The following ADGRB3 variants were observed in gnomAD, a reference collection of about 807,000 sequenced individuals.
The protein encoded by ADGRB3 is brain-specific angiogenesis inhibitor 3.
In ADGRB3, 37 loss-of-function variants were observed where a neutral mutation model predicts 193.4. That is an observed-to-expected ratio of 0.19 (90% CI 0.15 to 0.25). The LOEUF is 0.25. Among genes scored for constraint, ADGRB3 ranks in the 10% least tolerant of loss-of-function variants. The pLI is 1.00. For missense variants in ADGRB3, 1,637 were observed against 1,852.9 expected, an observed-to-expected ratio of 0.88 and a Z score of 2.14; for synonymous variants, 690 against 644.2, an observed-to-expected ratio of 1.07 and a Z score of -1.08.
chr6:69,049,403 A>G (rs1771329445), intron 15 of ADGRB3, 57 bp downstream of exon 15: 4 of 1,262,030 alleles, frequency 3.2e-6, no homozygotes, highest in African/African-American at 3.0e-5. Context: ...AAATGTGATT[A>G]TAGCTCATTC....
At chr6:68,922,878 A>C (rs968547317) in intron 3 of ADGRB3, among the ~76,000 whole-genome samples, 5 of 150,952 alleles carry the variant, frequency 3.3e-5, no homozygotes, top group Non-Finnish European at 7.4e-5. Flanking sequence ...ATAGAATACC[A>C]CTTGTCCCTT....
chr6:69,235,100 G>C lies in ADGRB3; in HGVS notation c.2676G>C (p.Leu892Phe), dbSNP rs1390624035. 6.2e-7 allele frequency: 1 copy of C among 1,612,570 alleles called. No homozygotes were observed. The highest frequency in any genetic ancestry group is 8.5e-7 in the Non-Finnish European group (1 of 1,178,752). The change falls in exon 19 of 32, where the codon TTG becomes TTC. Residue 892 changes from leucine (L) to phenylalanine (F), a missense_variant. By Grantham distance (22) the Leu-to-Phe change is conservative. Transcript: ENST00000370598. ...IVGSGLSCLA[L>F]ITLAVVYAAL... is the part of the protein sequence containing the mutation. Reference sequence around the variant, plus strand: ...GCAGTGGTCTTTCTTGCTTGGCCTTGATTACCCTAGCAGTTGTCTATGCAG... The same window carrying C: ...GCAGTGGTCTTTCTTGCTTGGCCTTCATTACCCTAGCAGTTGTCTATGCAG...
intron 3 of ADGRB3, among the ~76,000 whole-genome samples, chr6:68,870,241 G>A (rs1423972679): frequency 6.6e-6 from 1 of 152,172 alleles, no homozygotes; most frequent in Non-Finnish European, 1.5e-5. Context: ...ATGAGTAATA[G>A]GGCAATGACT....
intron 17 of ADGRB3, among the ~76,000 whole-genome samples, chr6:69,138,825 A>G (rs1774227377): frequency 6.6e-6 from 1 of 152,228 alleles, no homozygotes; most frequent in South Asian, 2.1e-4. Flanking sequence ...AATTCAAATA[A>G]CTAAGGGAAG....
chr6:69,371,278 T>C (rs1384182919), intron 29 of ADGRB3, among the ~76,000 whole-genome samples: 1 of 152,114 alleles, frequency 6.6e-6, no homozygotes, highest in Non-Finnish European at 1.5e-5. Context: ...CAATTTTAAC[T>C]GTAGCTGCAG....
intron 18 of ADGRB3, 112 bp from the exon 19 acceptor site, chr6:69,234,920 A>C (rs1316208691): frequency 3.9e-6 from 3 of 764,368 alleles, no homozygotes; most frequent in African/African-American, 3.5e-5. Flanking sequence ...TCTGGTAACT[A>C]TAACAACTAT....
intron 30 of ADGRB3, among the ~76,000 whole-genome samples, chr6:69,374,171 G>A (rs1341389552): frequency 6.6e-6 from 1 of 152,030 alleles, no homozygotes; most frequent in Non-Finnish European, 1.5e-5. Flanking sequence ...GGAACTTTGA[G>A]ACATTACTTT....
At chr6:69,032,919 AT>A (rs1770755910) in intron 13 of ADGRB3, among the ~76,000 whole-genome samples, 1 of 152,194 alleles carries the variant, frequency 6.6e-6, no homozygotes, top group African/African-American at 2.4e-5. Context: ...TATTTAGCAC[AT>A]ACAAACACAA....
intron 20 of ADGRB3, among the ~76,000 whole-genome samples, chr6:69,318,057 T>C (rs1768356267): frequency 6.6e-6 from 1 of 151,488 alleles, no homozygotes; most frequent in South Asian, 2.1e-4. Flanking sequence ...ATGACAACAA[T>C]GTGTATCTTT....
At chr6:68,652,701 G>A (rs1041928270) in intron 3 of ADGRB3, among the ~76,000 whole-genome samples, 1 of 151,956 alleles carries the variant, frequency 6.6e-6, no homozygotes, top group South Asian at 2.1e-4. Context: ...ATACATTTGG[G>A]TGGTATTCAT....
chr6:69,023,128 A>G (rs1315267758), intron 13 of ADGRB3, among the ~76,000 whole-genome samples: 1 of 152,084 alleles, frequency 6.6e-6, no homozygotes, highest in African/African-American at 2.4e-5. Context: ...CCCATTGACT[A>G]TGTTCAAGCA....
chr6:68,877,356 A>G (rs911850290), intron 3 of ADGRB3, among the ~76,000 whole-genome samples: 5 of 150,280 alleles, frequency 3.3e-5, no homozygotes, highest in African/African-American at 1.2e-4. Context: ...TGAATAGTGT[A>G]TATGTTCAAA....
At chr6:69,239,408 C>T (rs1469093638) in intron 20 of ADGRB3, among the ~76,000 whole-genome samples, 182 bp downstream of exon 20, 1 of 151,866 alleles carries the variant, frequency 6.6e-6, no homozygotes, top group African/African-American at 2.4e-5. Flanking sequence ...AATGTATACC[C>T]TTGATTTAAT....
At chr6:69,337,464 A>G (rs781219320) in intron 24 of ADGRB3, among the ~76,000 whole-genome samples, 5 of 152,190 alleles carry the variant, frequency 3.3e-5, no homozygotes, top group Non-Finnish European at 7.3e-5. Context: ...GGTTGGGGCC[A>G]GATAGACAGC....
At chr6:68,769,637 T>C (rs561473302) in intron 3 of ADGRB3, among the ~76,000 whole-genome samples, 5 of 152,116 alleles carry the variant, frequency 3.3e-5, no homozygotes, top group South Asian at 2.1e-4. Context: ...TGTATACCTA[T>C]GTAAGAAGTC....
At chr6:68,924,956 G>T (rs936325589) in intron 3 of ADGRB3, among the ~76,000 whole-genome samples, 17 of 151,632 alleles carry the variant, frequency 1.1e-4, no homozygotes, top group Non-Finnish European at 2.4e-4. Flanking sequence ...GAATTTTGTA[G>T]AAGTTTTCTT....
At position 69,361,429 on chromosome 6, in the gene ADGRB3, A is replaced by G. The variant is rs1323520952; in HGVS notation, c.4156A>G (p.Asn1386Asp). The G allele has an allele frequency of 1.2e-6, 2 of 1,612,972 alleles. No individual in the cohort carries two copies. The highest frequency in any genetic ancestry group is 3.3e-5 in the Admixed American group (2 of 59,880). The change falls in exon 29 of 32, where the codon AAT (asparagine) becomes GAT (aspartate). Residue 1386 changes from asparagine to aspartate, a missense_variant. By Grantham distance (23) the Asn-to-Asp change is conservative. Transcript: ENST00000370598. The part of the protein sequence containing the change: ...LPFEPRTAVK[N>D]FMASELDDNA... The stretch of plus-strand genomic sequence containing the variant: ...CTTTGAACCTCGCACAGCTGTGAAG[A>G]ATTTCATGGCCTCTGAGTTGGATGA...
intron 3 of ADGRB3, among the ~76,000 whole-genome samples, chr6:68,772,950 TA>T (rs1323539661): frequency 0.026 from 422 of 15,938 alleles, 22 homozygotes; most frequent in African/African-American, 0.059. Context: ...CACACAAAAA[TA>T]AAAAATAAAA....
At chr6:69,350,791 C>T (rs75421368) in intron 26 of ADGRB3, among the ~76,000 whole-genome samples, 5,635 of 151,208 alleles carry the variant, frequency 0.037, 176 homozygotes, top group Admixed American at 0.095. Flanking sequence ...TTATTTTTTG[C>T]GTTTTCTGCT....
Sources: allele counts gnomAD v4.1 joint callset (sites outside exome capture counted in the v4.1 genomes callset), GRCh38; gene constraint gnomAD v4.1.1; transcripts MANE v1.5; gene names NCBI Gene and HGNC (gene_info 2026-07-23, HGNC 2026-07-21).